GSE1: variants seen among roughly 807,000 people sequenced by gnomAD.
The protein encoded by GSE1 is genetic suppressor element 1.
A neutral mutation model predicts 112.6 loss-of-function variants in GSE1; 32 were observed. The ratio of observed to expected loss-of-function variants is 0.28; its 90% CI spans 0.21 to 0.38. GSE1 has a LOEUF of 0.38. Among genes scored for constraint, GSE1 ranks in the 10% least tolerant of loss-of-function variants. The pLI is 1.00. For missense variants in GSE1, 2,348 were observed against 1,699.2 expected (o/e 1.38, Z -6.71); for synonymous variants, 1,115 against 735.6 (o/e 1.52, Z -8.35).
At chr16:85,194,039 C>T (rs922457327) in intron 1 of GSE1, among the ~76,000 whole-genome samples, 11 of 152,294 alleles carry the variant, frequency 7.2e-5, no homozygotes, top group African/African-American at 2.6e-4. Flanking sequence ...AAATGAGGCT[C>T]TGGGAGGTGA....
At chr16:85,278,169 C>A (rs1909560376) in intron 1 of GSE1, among the ~76,000 whole-genome samples, 1 of 152,244 alleles carries the variant, frequency 6.6e-6, no homozygotes, top group Non-Finnish European at 1.5e-5. Context: ...TGAATTCAAG[C>A]TGGTGAGGCC....
At chr16:85,319,307 T>G (rs1597383037) in intron 1 of GSE1, among the ~76,000 whole-genome samples, 1 of 152,172 alleles carries the variant, frequency 6.6e-6, no homozygotes. Context: ...GGTGGGACAG[T>G]GTAGCGGGAG....
chr16:85,344,505 G>A (rs554731232), intron 1 of GSE1, among the ~76,000 whole-genome samples: 2 of 152,218 alleles, frequency 1.3e-5, no homozygotes, highest in Admixed American at 6.5e-5. Context: ...ACAGGTGTGC[G>A]GGGCACATTT....
intron 2 of GSE1, among the ~76,000 whole-genome samples, chr16:85,382,132 C>A (rs1410130459): frequency 6.6e-6 from 1 of 152,212 alleles, no homozygotes; most frequent in Non-Finnish European, 1.5e-5. Context: ...GGGCAGTCAC[C>A]CCCACGCAAT....
chr16:85,392,060 A>G (rs1026477858), intron 2 of GSE1, among the ~76,000 whole-genome samples: 2 of 152,090 alleles, frequency 1.3e-5, no homozygotes, highest in African/African-American at 4.8e-5. Context: ...TGGCCCCTGT[A>G]GGTTTCCTTC....
chr16:85,329,084 C>G (rs569406426), intron 1 of GSE1, among the ~76,000 whole-genome samples: 1 of 152,186 alleles, frequency 6.6e-6, no homozygotes, highest in Non-Finnish European at 1.5e-5. Flanking sequence ...TGTTCTAACA[C>G]TTGAACTCTG....
Position 85,648,660 on chromosome 16 carries a change from C to A in GSE1, c.335C>A (p.Pro112His). The part of the protein sequence containing the change: ...RVPMGPIIVP[P>H]GGHSVPSTPP... ...CCCATGGGCCCTATCATCGTCCCCC[C>A]TGGGGGCCACAGCGTGCCCAGCACC... The change falls in exon 3 of 16, where the codon CCT (proline) becomes CAT (histidine). Residue 112 changes from proline (P) to histidine (H), a missense_variant. Coordinates refer to ENST00000253458, the MANE Select transcript of GSE1 (RefSeq NM_014615.5). 1 of 1,600,418 alleles carries A rather than the reference C, an allele frequency of 6.2e-7. No homozygotes were observed. The highest frequency in any genetic ancestry group is 8.5e-7 in the Non-Finnish European group (1 of 1,169,856).
intron 2 of GSE1, among the ~76,000 whole-genome samples, chr16:85,459,988 C>A (rs1297441410): frequency 1.3e-5 from 2 of 152,228 alleles, no homozygotes; most frequent in African/African-American, 4.8e-5. Flanking sequence ...AGAAAGCAGA[C>A]CCTGTTCCCT....
Position 85,663,550 on chromosome 16 carries a change from C to T in GSE1, c.2580C>T (p.Phe860=), listed in dbSNP as rs565495805. Residue 860 remains phenylalanine, a synonymous_variant, in exon 11 of 16, where the codon TTC becomes TTT. Coordinates refer to ENST00000253458, the MANE Select transcript of GSE1 (RefSeq NM_014615.5). The stretch of plus-strand genomic sequence containing the variant: ...ATGAGATGAACAACAGTCCCAACTT[C>T]GAAGAAAAGAAGAAGTTCCTGACCA... ...SPDEMNNSPN[F]EEKKKFLTIF... 5.6e-5 allele frequency: 90 copies of T among 1,613,910 alleles called. No individual in the cohort carries two copies. The East Asian group carries it at 1.4e-3, about 25-fold the overall frequency.
intron 1 of GSE1, among the ~76,000 whole-genome samples, chr16:85,560,105 CAG>C (rs1468659193): frequency 2.0e-5 from 3 of 147,828 alleles, no homozygotes; most frequent in African/African-American, 7.5e-5. Flanking sequence ...CAGCAAGTCA[CAG>C]AGCTTTTTTT....
At chr16:85,325,906 G>A (rs930672103) in intron 1 of GSE1, among the ~76,000 whole-genome samples, 1 of 151,842 alleles carries the variant, frequency 6.6e-6, no homozygotes, top group Non-Finnish European at 1.5e-5. Flanking sequence ...ATGCCATCGT[G>A]CCCAGCTAAT....
At chr16:85,240,860 A>T (rs1567632235) in intron 1 of GSE1, among the ~76,000 whole-genome samples, 1 of 152,136 alleles carries the variant, frequency 6.6e-6, no homozygotes, top group Non-Finnish European at 1.5e-5. Flanking sequence ...GTCGGGGAGC[A>T]GAGAGGCTGG....
At chr16:85,238,991 G>A (rs761443937) in intron 1 of GSE1, among the ~76,000 whole-genome samples, 1 of 151,946 alleles carries the variant, frequency 6.6e-6, no homozygotes, top group Admixed American at 6.5e-5. Flanking sequence ...GCAGTGGTGC[G>A]ATCTCGGCTC....
At chr16:85,226,758 GGT>G (rs55999145) in intron 1 of GSE1, among the ~76,000 whole-genome samples, 8,501 of 104,510 alleles carry the variant, frequency 0.081, 464 homozygotes, top group Non-Finnish European at 0.087. Flanking sequence ...TGCCTGGACT[GGT>G]GTGTGTGTGT....
chr16:85,641,470 A>G (rs2050442871), intron 2 of GSE1, among the ~76,000 whole-genome samples: 1 of 147,194 alleles, frequency 6.8e-6, no homozygotes, highest in South Asian at 2.1e-4. Flanking sequence ...TCGTTGGTGG[A>G]CGCAGGCCGC....
chr16:85,536,523 C>T (rs778816477), intron 2 of GSE1, among the ~76,000 whole-genome samples: 15 of 152,222 alleles, frequency 9.9e-5, no homozygotes, highest in South Asian at 2.1e-4. Context: ...CATGGGACAT[C>T]GGTCACACCT....
At chr16:85,582,811 C>T (rs944038499) in intron 1 of GSE1, among the ~76,000 whole-genome samples, 3 of 152,196 alleles carry the variant, frequency 2.0e-5, no homozygotes, top group Non-Finnish European at 4.4e-5. Flanking sequence ...TGGTCGGCCG[C>T]CTTGTCATTT....
chr16:85,654,282 C>T lies in GSE1; in HGVS notation c.431C>T (p.Ala144Val), dbSNP rs758010485. Residue 144 changes from alanine to valine, a missense_variant, in exon 4 of 16, where the codon GCC becomes GTC. Coordinates refer to ENST00000253458, the MANE Select transcript of GSE1 (RefSeq NM_014615.5). The part of the protein sequence containing the change: ...GVWRSESRQD[A>V]GSRSSSGGRE... ...CTGGACGCTCTCCTCCCGCAGGATG[C>T]CGGCTCCAGGAGCAGCAGTGGAGGT... is the stretch of plus-strand genomic sequence containing the variant. The T allele has an allele frequency of 3.5e-5, 55 of 1,593,446 alleles. No individual in the cohort carries two copies. The highest frequency in any genetic ancestry group is 4.5e-5 in the Non-Finnish European group (53 of 1,171,248).
chr16:85,375,167 G>A (rs1488985700), intron 2 of GSE1, among the ~76,000 whole-genome samples: 1 of 152,172 alleles, frequency 6.6e-6, no homozygotes, highest in Admixed American at 6.5e-5. Context: ...ACCCAGCTCA[G>A]GCTGTGCGAG....
Sources: gnomAD v4.1 joint callset for allele counts (sites outside exome capture counted in the v4.1 genomes callset) on GRCh38, gnomAD v4.1.1 for gene constraint, MANE v1.5 for transcripts, NCBI Gene and HGNC (gene_info 2026-07-23, HGNC 2026-07-21) for gene names.